KYNU: variants seen among roughly 807,000 people sequenced by gnomAD.
The protein encoded by KYNU is L-kynurenine hydrolase.
Under a neutral mutation model 59.2 loss-of-function variants are expected in KYNU, and 54 were observed. The observed-to-expected ratio is 0.91, with a 90% CI of 0.73 to 1.14. The LOEUF is 1.14. KYNU is among the 50% of genes most tolerant of loss of function. The pLI is 0.00. For missense variants in KYNU, 567 were observed against 554.4 expected (o/e 1.02, Z -0.23); for synonymous variants, 177 against 192.0 (o/e 0.92, Z 0.65).
At chr2:142,965,066 G>C (rs1402736817) in intron 8 of KYNU, among the ~76,000 whole-genome samples, 2 of 152,158 alleles carry the variant, frequency 1.3e-5, no homozygotes, top group African/African-American at 2.4e-5. Flanking sequence ...TGTATCTCTA[G>C]TGATTTTTAA....
intron 10 of KYNU, among the ~76,000 whole-genome samples, chr2:142,988,064 T>G (rs1366054767): frequency 6.6e-6 from 1 of 151,826 alleles, no homozygotes; most frequent in African/African-American, 2.4e-5. Flanking sequence ...CTTTATAAAT[T>G]ACCCAGTCTC....
intron 10 of KYNU, among the ~76,000 whole-genome samples, chr2:142,996,270 A>C (rs958521832): frequency 1.2e-4 from 18 of 152,162 alleles, no homozygotes; most frequent in Non-Finnish European, 2.2e-4. Context: ...GGCTGATGAT[A>C]GATGAATAGA....
rs71301737 is a variant in KYNU at position 142,939,602 on chromosome 2, C to CAAAAAAAAAAAAAAAAAA, written c.373+11864_373+11881dup. Among the ~76,000 whole-genome samples, 67 of 64,922 alleles carry CAAAAAAAAAAAAAAAAAA rather than the reference C, an allele frequency of 1.0e-3. 1 individual carries two copies. The highest frequency in any genetic ancestry group is 1.2e-3 in the Non-Finnish European group (40 of 34,654). 42.6% of individuals were successfully genotyped at this position (64,922 alleles called of 152,430 possible). On this transcript the variant is annotated intron_variant, in intron 4 of 13. Coordinates refer to ENST00000264170, the MANE Select transcript of KYNU (RefSeq NM_003937.3). ...GGTGACAGAGCGAGACTCCATCTCA[C>CAAAAAAAAAAAAAAAAAA]AAAAAAAAAAAAAAAAAAAAGAAAA...
chr2:142,893,872 A>AT (rs1178712151), intron 2 of KYNU, among the ~76,000 whole-genome samples: 2 of 152,152 alleles, frequency 1.3e-5, no homozygotes, highest in African/African-American at 4.8e-5. Context: ...CCAGATTGAG[A>AT]TTTTACAAAG....
rs115706127 is a variant in KYNU at position 142,937,421 on chromosome 2, A to G, written c.373+9680A>G. On this transcript the variant is annotated intron_variant, in intron 4 of 13. Transcript: ENST00000264170. ...AACCTAAAGAGTCTGACATGAGGGC[A>G]TTTCCCAGCACGATGGGCAAATGGG... Among the ~76,000 whole-genome samples the G allele has an allele frequency of 7.6e-3, 1,155 of 152,312 alleles. 7 individuals carry two copies. Among genetic ancestry groups the G allele is most frequent in the African/African-American group, 0.027 (1,106 of 41,564 alleles).
intron 10 of KYNU, among the ~76,000 whole-genome samples, chr2:143,012,104 C>T (rs541486013): frequency 2.6e-5 from 4 of 150,950 alleles, no homozygotes; most frequent in Admixed American, 6.6e-5. Context: ...GTCCCCAAAG[C>T]GGAGGGTGTC....
In KYNU at chr2:142,939,516, C is replaced by T. The variant is rs568282221; in HGVS notation, c.373+11775C>T. Among the ~76,000 whole-genome samples the T allele has an allele frequency of 1.9e-4, 27 of 142,988 alleles. 1 individual carries two copies. The East Asian group carries it at 5.1e-3, about 27-fold the overall frequency. 93.8% of individuals were successfully genotyped at this position (142,988 alleles called of 152,430 possible). A position where few individuals can be genotyped will look rare whatever the true frequency, so the allele number is the denominator to read the frequency against. On this transcript the variant is annotated intron_variant, in intron 4 of 13. Transcript: ENST00000264170. ...ACTCAGGAGGCTGAGGCAGGAGAATCGCTTGAACCTGGGAGGTGGAGGTTG... is the reference window on the plus strand; with the variant it reads ...ACTCAGGAGGCTGAGGCAGGAGAATTGCTTGAACCTGGGAGGTGGAGGTTG...
chr2:142,993,001 C>T (rs554491937), intron 10 of KYNU, among the ~76,000 whole-genome samples: 20 of 151,896 alleles, frequency 1.3e-4, no homozygotes, highest in Admixed American at 2.6e-4. Context: ...GTAGGGGCAG[C>T]GGAGGTATAG....
At position 143,032,148 on chromosome 2, in the gene KYNU, G is replaced by A. The variant is rs576835908; in HGVS notation, c.956-1088G>A. Among the ~76,000 whole-genome samples the A allele has an allele frequency of 2.0e-5, 3 of 152,140 alleles. No individual in the cohort carries two copies. The South Asian group carries it at 6.2e-4, about 32-fold the overall frequency. On this transcript the variant is annotated intron_variant, in intron 11 of 13. Coordinates refer to ENST00000264170, the MANE Select transcript of KYNU (RefSeq NM_003937.3). Reference sequence around the variant, plus strand: ...AAAAAATTAGCTGGGCGTGGTGACAGGCACCCGTAGTCCCAGCTACTCGGA... The same window carrying A: ...AAAAAATTAGCTGGGCGTGGTGACAAGCACCCGTAGTCCCAGCTACTCGGA...
chr2:143,034,693 C>T (rs904729830), intron 12 of KYNU, among the ~76,000 whole-genome samples: 1 of 152,130 alleles, frequency 6.6e-6, no homozygotes, highest in African/African-American at 2.4e-5. Flanking sequence ...TAAAAATCTG[C>T]TTAGTAAATC....
rs61062901 is a variant in KYNU at position 143,032,711 on chromosome 2, T to TTGTGTGTGTGTGTGTGTGTGTGTGTG, written c.956-519_956-494dup. 3.2e-3 allele frequency among the ~76,000 whole-genome samples: 410 copies of TTGTGTGTGTGTGTGTGTGTGTGTGTG among 129,446 alleles called. 10 individuals are homozygous for TTGTGTGTGTGTGTGTGTGTGTGTGTG. Among genetic ancestry groups the TTGTGTGTGTGTGTGTGTGTGTGTGTG allele is most frequent in the Middle Eastern group, 7.9e-3 (2 of 254 alleles). The allele number at this position is 129,446 out of a possible 152,430, so 84.9% of individuals were successfully genotyped here. On this transcript the variant is annotated intron_variant, in intron 11 of 13. Transcript: ENST00000264170. ...GATCTTTTTTTTAAAGCTCCCTCTA[T>TTGTGTGTGTGTGTGTGTGTGTGTGTG]TGTGTGTGTGTGTGTGTGTGTGTGT...
At chr2:142,938,185 G>A (rs987707058) in intron 4 of KYNU, among the ~76,000 whole-genome samples, 8 of 152,158 alleles carry the variant, frequency 5.3e-5, no homozygotes, top group African/African-American at 1.9e-4. Context: ...TTTATCATAA[G>A]TGACTGCTTT....
chr2:142,911,635 A>G (rs1424821432), intron 2 of KYNU, among the ~76,000 whole-genome samples: 1 of 152,052 alleles, frequency 6.6e-6, no homozygotes, highest in Non-Finnish European at 1.5e-5. Context: ...GTTCTTAAGG[A>G]GAATACCTCC....
At chr2:142,993,989 A>G (rs896098767) in intron 10 of KYNU, among the ~76,000 whole-genome samples, 1 of 152,050 alleles carries the variant, frequency 6.6e-6, no homozygotes, top group African/African-American at 2.4e-5. Context: ...TGAACCTTTC[A>G]GGCATAAAAA....
intron 1 of KYNU, among the ~76,000 whole-genome samples, chr2:142,878,183 CT>C (rs1381781872): frequency 6.6e-6 from 1 of 152,138 alleles, no homozygotes; most frequent in Non-Finnish European, 1.5e-5. Context: ...GTGAAAATGC[CT>C]ACTCTTGAAC....
intron 4 of KYNU, among the ~76,000 whole-genome samples, chr2:142,928,531 C>G (rs573203379): frequency 6.6e-6 from 1 of 151,922 alleles, no homozygotes; most frequent in Non-Finnish European, 1.5e-5. Flanking sequence ...GAATCTTGAC[C>G]AGTAATTAGA....
At chr2:142,970,796 G>C (rs1573855230) in intron 8 of KYNU, among the ~76,000 whole-genome samples, 1 of 152,174 alleles carries the variant, frequency 6.6e-6, no homozygotes, top group East Asian at 1.9e-4. Context: ...TGAATTATCA[G>C]TATCATATTT....
At chr2:142,954,682 A>T (rs547169101) in intron 4 of KYNU, 128 bp from the exon 5 acceptor site, 1 of 636,316 alleles carries the variant, frequency 1.6e-6, no homozygotes, top group South Asian at 2.0e-5. Context: ...TTTCTTTGTG[A>T]TGACACATCA....
In KYNU at chr2:142,938,166, T is replaced by A. The variant is rs1480551888; in HGVS notation, c.373+10425T>A. ...GTTTCCTTGAAGTCTTATTTTTTAT[T>A]ATGTCACATTTATCATAAGTGACTG... On this transcript the variant is annotated intron_variant, in intron 4 of 13. Coordinates refer to ENST00000264170, the MANE Select transcript of KYNU (RefSeq NM_003937.3). 2.0e-5 allele frequency among the ~76,000 whole-genome samples: 3 copies of A among 152,244 alleles called. No homozygotes were observed. In the East Asian group the frequency reaches 5.8e-4, roughly 29 times the overall value.
Sources: gnomAD v4.1 joint callset for allele counts (sites outside exome capture counted in the v4.1 genomes callset) on GRCh38, gnomAD v4.1.1 for gene constraint, MANE v1.5 for transcripts, NCBI Gene and HGNC (gene_info 2026-07-23, HGNC 2026-07-21) for gene names.